The following AFF1 variants were observed in gnomAD, a reference collection of about 807,000 sequenced individuals.
AFF1 encodes the protein ALF transcription elongation factor 1, also known as AF4/FMR2 family member 1.
A neutral mutation model predicts 121.7 loss-of-function variants in AFF1; 48 were observed. That is an observed-to-expected ratio of 0.39 (90% CI 0.31 to 0.50). The LOEUF is 0.50. AFF1 is among the 20% of genes least tolerant of loss of function. The probability of loss-of-function intolerance (pLI) is 0.76; values close to 1 mark genes in which losing one functional copy is unlikely to be tolerated. For synonymous variants in AFF1, 613 were observed against 563.0 expected (o/e 1.09, Z -1.26); for missense variants, 1,523 against 1,511.7 (o/e 1.01, Z -0.12).
intron 12 of AFF1, among the ~76,000 whole-genome samples, chr4:87,118,929 T>G (rs1279574536): frequency 6.6e-6 from 1 of 152,236 alleles, no homozygotes; most frequent in Non-Finnish European, 1.5e-5. Context: ...CTGGGGTTTA[T>G]ATGCCTTCTA....
At position 86,950,006 on chromosome 4, in the gene AFF1, A is replaced by G. The variant is rs146412178; in HGVS notation, c.38+1435A>G. 2,309 of 1,614,084 alleles carry G rather than the reference A, an allele frequency of 1.4e-3. 65 individuals are homozygous for G. In the East Asian group the frequency reaches 0.047, roughly 33 times the overall value. Reference sequence around the variant, plus strand: ...GCAGATCACAAAGATGGCGAGCGCCAGTTTCACCTGCTGAGCTCCGTAGGT... The same window carrying G: ...GCAGATCACAAAGATGGCGAGCGCCGGTTTCACCTGCTGAGCTCCGTAGGT... On this transcript the variant is annotated intron_variant, in intron 2 of 20. Transcript: ENST00000395146.
At chr4:87,041,884 G>A (rs1050723469) in intron 2 of AFF1, among the ~76,000 whole-genome samples, 2 of 151,890 alleles carry the variant, frequency 1.3e-5, no homozygotes, top group African/African-American at 4.8e-5. Context: ...GCGTGGTGTC[G>A]GGTGCATCTA....
intron 2 of AFF1, among the ~76,000 whole-genome samples, chr4:86,998,985 G>C (rs549733695): frequency 2.6e-4 from 39 of 152,326 alleles, no homozygotes; most frequent in African/African-American, 8.4e-4. Context: ...AGGAGGAATG[G>C]AGTGGGTTGG....
At chr4:87,026,418 T>A (rs935194445) in intron 2 of AFF1, among the ~76,000 whole-genome samples, 3 of 152,054 alleles carry the variant, frequency 2.0e-5, no homozygotes, top group Non-Finnish European at 4.4e-5. Flanking sequence ...CCTGTACTCG[T>A]TTACTGTGAT....
intron 4 of AFF1, among the ~76,000 whole-genome samples, chr4:87,052,424 TC>T (rs368154405): frequency 2.0e-5 from 3 of 150,502 alleles, no homozygotes; most frequent in South Asian, 4.2e-4. Flanking sequence ...CGCTCCCTCC[TC>T]CCCCCACACC....
intron 4 of AFF1, among the ~76,000 whole-genome samples, chr4:87,072,627 TCTC>T (rs141353833): frequency 0.04 from 6,118 of 152,000 alleles, 397 homozygotes; most frequent in African/African-American, 0.14. Flanking sequence ...GTTCAGCAAT[TCTC>T]CTGCTTCAGC....
intron 2 of AFF1, among the ~76,000 whole-genome samples, chr4:86,980,102 G>A (rs1323296415): frequency 1.3e-5 from 2 of 152,028 alleles, no homozygotes; most frequent in African/African-American, 4.8e-5. Context: ...GTAGAGATGG[G>A]GTTTTACCAT....
chr4:87,048,997 G>A (rs1430943109), intron 4 of AFF1, among the ~76,000 whole-genome samples: 1 of 140,998 alleles, frequency 7.1e-6, no homozygotes, highest in Non-Finnish European at 1.5e-5. Flanking sequence ...CACTCCCCCT[G>A]CCTTCTAATT....
intron 1 of AFF1, chr4:86,936,381 G>A (rs1719995113): frequency 6.6e-6 from 1 of 152,284 alleles, no homozygotes; most frequent in African/African-American, 2.4e-5. Flanking sequence ...GAAGAGCTCA[G>A]AAACTGAAGC....
chr4:87,099,476 C>T (rs966753864), intron 8 of AFF1, among the ~76,000 whole-genome samples: 1 of 152,104 alleles, frequency 6.6e-6, no homozygotes, highest in Non-Finnish European at 1.5e-5. Flanking sequence ...GTGGGGTGAC[C>T]TCGGTTACTG....
chr4:86,956,676 A>C (rs527272704), intron 2 of AFF1, among the ~76,000 whole-genome samples: 1 of 152,300 alleles, frequency 6.6e-6, no homozygotes, highest in African/African-American at 2.4e-5. Context: ...CAATCATACA[A>C]TATGTTAATT....
chr4:87,096,272 A>C (rs968638331), intron 8 of AFF1, among the ~76,000 whole-genome samples: 1 of 149,884 alleles, frequency 6.7e-6, no homozygotes, highest in African/African-American at 2.5e-5. Flanking sequence ...TTGCTGGGAA[A>C]GTAAAATGTT....
intron 4 of AFF1, among the ~76,000 whole-genome samples, chr4:87,059,297 GC>G (rs1365346284): frequency 6.6e-6 from 1 of 152,060 alleles, no homozygotes; most frequent in East Asian, 1.9e-4. Flanking sequence ...ATTTTTTTGT[GC>G]CCCCCTCTCC....
chr4:87,088,725 G>T (rs1210480760), intron 5 of AFF1, among the ~76,000 whole-genome samples: 1 of 152,016 alleles, frequency 6.6e-6, no homozygotes, highest in African/African-American at 2.4e-5. Context: ...CTGCCAAGTA[G>T]CTGGGATTAC....
intron 4 of AFF1, among the ~76,000 whole-genome samples, chr4:87,083,242 T>C (rs773784080): frequency 4.6e-5 from 7 of 152,188 alleles, no homozygotes; most frequent in African/African-American, 9.7e-5. Flanking sequence ...CAATAATCAT[T>C]ATTTGTTTAG....
chr4:86,968,155 G>A (rs1560507321), intron 2 of AFF1, among the ~76,000 whole-genome samples: 1 of 152,146 alleles, frequency 6.6e-6, no homozygotes, highest in Non-Finnish European at 1.5e-5. Flanking sequence ...CCTCTTCCGT[G>A]AAACCTCCTC....
chr4:87,046,175 T>C lies in AFF1; in HGVS notation c.48T>C (p.Asn16=), dbSNP rs376250804. 4 of 1,612,926 alleles carry C rather than the reference T, an allele frequency of 2.5e-6. No individual in the cohort carries two copies. The highest frequency in any genetic ancestry group is 3.4e-6 in the Non-Finnish European group (4 of 1,179,708). ...RVNSSGNSLY[N]DDRNLLRIRE... ...GTGGCATCTGAAACAGTTTGTACAATGACGACAGAAACCTGCTTCGAATTA... is the reference window on the plus strand; with the variant it reads ...GTGGCATCTGAAACAGTTTGTACAACGACGACAGAAACCTGCTTCGAATTA... The change falls in exon 3 of 21, where the codon AAT becomes AAC. Residue 16 remains asparagine, a synonymous_variant. Transcript: ENST00000395146.
chr4:87,068,471 A>G (rs983579688), intron 4 of AFF1, among the ~76,000 whole-genome samples: 16 of 152,346 alleles, frequency 1.1e-4, no homozygotes, highest in African/African-American at 3.6e-4. Context: ...TAAATCCCAT[A>G]GATTTTTCCA....
chr4:87,001,985 C>CA (rs1314717629), intron 2 of AFF1, among the ~76,000 whole-genome samples: 10 of 151,988 alleles, frequency 6.6e-5, no homozygotes, highest in African/African-American at 2.2e-4. Flanking sequence ...ACGTTTAGAC[C>CA]AAAAATGCTA....
Sources: allele counts gnomAD v4.1 joint callset (sites outside exome capture counted in the v4.1 genomes callset), GRCh38; gene constraint gnomAD v4.1.1; transcripts MANE v1.5; gene names NCBI Gene and HGNC (gene_info 2026-07-23, HGNC 2026-07-21).